Variants in AKAP9 observed in about 807,000 individuals in gnomAD.
AKAP9 encodes the protein A-kinase anchoring protein 9.
Under a neutral mutation model 488.5 loss-of-function variants are expected in AKAP9, and 311 were observed. The ratio of observed to expected loss-of-function variants is 0.64; its 90% CI spans 0.58 to 0.70. AKAP9 has a LOEUF of 0.70. Ranked by LOEUF, AKAP9 falls within the 30% of genes least tolerant of loss-of-function variation. The probability of loss-of-function intolerance (pLI) is 0.00; values close to 1 mark genes in which losing one functional copy is unlikely to be tolerated. For missense variants in AKAP9, 4,215 were observed against 4,374.5 expected (o/e 0.96, Z 1.03); for synonymous variants, 1,462 against 1,483.5 (o/e 0.99, Z 0.33).
intron 1 of AKAP9, among the ~76,000 whole-genome samples, chr7:91,946,395 C>A (rs950856554): frequency 6.9e-6 from 1 of 145,430 alleles, no homozygotes; most frequent in Non-Finnish European, 1.5e-5. Context: ...AACCTTCAGG[C>A]TTTTTTTTTT....
In AKAP9 at chr7:92,093,117, C is replaced by T. The variant is rs2130891706; in HGVS notation, c.9379C>T (p.Gln3127Ter). 6.2e-7 allele frequency: 1 copy of T among 1,611,304 alleles called. No homozygotes were observed. The highest frequency in any genetic ancestry group is 8.5e-7 in the Non-Finnish European group (1 of 1,178,936). ...PSQELLEYNI[Q>*]QKQSQMLEMQ... ...TGTAGAACTCTTGGAATATAATATACAGCAGAAGCAGTCTCAAATGCTGGA... is the reference window on the plus strand; with the variant it reads ...TGTAGAACTCTTGGAATATAATATATAGCAGAAGCAGTCTCAAATGCTGGA... The change falls in exon 39 of 50, where the codon CAG (glutamine) becomes TAG (stop). Residue 3127 changes from glutamine (Q) to a stop codon, truncating the protein, a stop_gained. Coordinates refer to ENST00000356239, the MANE Select transcript of AKAP9 (RefSeq NM_005751.5). LOFTEE classifies it high-confidence loss of function.
In AKAP9 at chr7:92,085,512, C is replaced by T. The variant is rs1814382203; in HGVS notation, c.8850C>T (p.Val2950=). Residue 2950 remains valine, a synonymous_variant, in exon 36 of 50, where the codon GTC becomes GTT. Coordinates refer to ENST00000356239, the MANE Select transcript of AKAP9 (RefSeq NM_005751.5). ...GTTTCCAGGGATTACTGAGAGCTGT[C>T]CATAATGAAGGCATGCAGGTGCTTT... ...PKKIKGLLRA[V]HNEGMQVLSL... 6.2e-7 allele frequency: 1 copy of T among 1,614,014 alleles called. No individual in the cohort carries two copies. Among genetic ancestry groups the T allele is most frequent in the East Asian group, 2.2e-5 (1 of 44,860 alleles).
At chr7:91,941,878 C>G (rs1206064529) in intron 1 of AKAP9, among the ~76,000 whole-genome samples, 2 of 91,368 alleles carry the variant, frequency 2.2e-5, no homozygotes, top group African/African-American at 7.9e-5. Context: ...CTGGCGAATC[C>G]TGGTTGTGTG....
At chr7:92,080,232 T>C in intron 31 of AKAP9, 80 bp downstream of exon 31, 3 of 1,054,484 alleles carry the variant, frequency 2.8e-6, no homozygotes, top group African/African-American at 1.6e-5. Context: ...TATGGTGTTC[T>C]GTTTACATCT....
At chr7:92,040,628 ATG>A in intron 17 of AKAP9, 44 bp from the exon 18 acceptor site, 1 of 1,385,222 alleles carries the variant, frequency 7.2e-7, no homozygotes, top group South Asian at 1.3e-5. Context: ...TTTTTACAAA[ATG>A]TGTTATGGTT....
intron 14 of AKAP9, among the ~76,000 whole-genome samples, chr7:92,027,662 CGTCTGGG>C (rs1464187142): frequency 2.3e-4 from 31 of 136,910 alleles, no homozygotes; most frequent in African/African-American, 7.2e-4. Context: ...CTGGCCGCCC[CGTCTGGG>C]ATGTGAGGAG....
At chr7:91,953,975 T>C (rs994759974) in intron 1 of AKAP9, among the ~76,000 whole-genome samples, 2 of 152,126 alleles carry the variant, frequency 1.3e-5, no homozygotes, top group African/African-American at 4.8e-5. Context: ...GCAGTCTAAT[T>C]CTAGTAGGAC....
Position 92,085,554 on chromosome 7 carries a change from C to G in AKAP9, c.8892C>G (p.Pro2964=), listed in dbSNP as rs1172853201. 5.6e-6 allele frequency: 9 copies of G among 1,613,806 alleles called. No homozygotes were observed. Among genetic ancestry groups the G allele is most frequent in the African/African-American group, 2.7e-5 (2 of 74,882 alleles). The change falls in exon 36 of 50, where the codon CCC becomes CCG. Residue 2964 remains proline (P), a synonymous_variant. Transcript: ENST00000356239. The part of the protein sequence containing the change: ...GMQVLSLTES[P]YSDGEDHSIQ... ...AGGTGCTTTCTCTCACTGAGTCTCC[C>G]TATAGTGATGGAGAGGACCATTCTA...
chr7:92,094,573 G>T (rs1311349613), intron 39 of AKAP9, among the ~76,000 whole-genome samples: 1 of 152,002 alleles, frequency 6.6e-6, no homozygotes, highest in Non-Finnish European at 1.5e-5. Context: ...GGTGGCTCAT[G>T]CCTGTAATCC....
At chr7:92,084,071 G>A (rs556011508) in intron 33 of AKAP9, among the ~76,000 whole-genome samples, 15 of 152,280 alleles carry the variant, frequency 9.9e-5, no homozygotes, top group Non-Finnish European at 1.9e-4. Flanking sequence ...GTGAGAACAT[G>A]CAGTGTTTGG....
intron 9 of AKAP9, among the ~76,000 whole-genome samples, chr7:92,013,271 G>T (rs1001315382): frequency 6.6e-6 from 1 of 151,930 alleles, no homozygotes; most frequent in Non-Finnish European, 1.5e-5. Flanking sequence ...GATTACAGGC[G>T]TGAGCCACCG....
intron 1 of AKAP9, among the ~76,000 whole-genome samples, chr7:91,963,506 A>ACACG (rs1794023206): frequency 6.6e-6 from 1 of 151,446 alleles, no homozygotes; most frequent in South Asian, 2.1e-4. Flanking sequence ...ACACACACAC[A>ACACG]CACACACACA....
At chr7:91,952,826 A>G (rs1584546687) in intron 1 of AKAP9, among the ~76,000 whole-genome samples, 1 of 151,960 alleles carries the variant, frequency 6.6e-6, no homozygotes, top group South Asian at 2.1e-4. Context: ...TTTGTGTTTT[A>G]TATATTTTTT....
chr7:91,966,557 G>T (rs1044079972), intron 1 of AKAP9, among the ~76,000 whole-genome samples: 3 of 152,162 alleles, frequency 2.0e-5, no homozygotes, highest in Non-Finnish European at 2.9e-5. Context: ...TATCAATTTA[G>T]CCTATTTAGT....
At position 91,974,123 on chromosome 7, in the gene AKAP9, T is replaced by G. The variant is rs538783384; in HGVS notation, c.306+155T>G. ...ACTAAACAGTCATAACTAAAATATT[T>G]GATCATCTCAGAGAGGGAGTTTTGT... On this transcript the variant is annotated intron_variant, in intron 2 of 49. Coordinates refer to ENST00000356239, the MANE Select transcript of AKAP9 (RefSeq NM_005751.5). 7.2e-5 allele frequency among the ~76,000 whole-genome samples: 11 copies of G among 152,326 alleles called. No individual in the cohort carries two copies. In the East Asian group the frequency reaches 2.1e-3, roughly 29 times the overall value.
intron 24 of AKAP9, among the ~76,000 whole-genome samples, chr7:92,063,236 T>A (rs1241872742): frequency 6.6e-6 from 1 of 152,186 alleles, no homozygotes; most frequent in East Asian, 1.9e-4. Flanking sequence ...TCAAATTAAT[T>A]AAACAGGTTT....
Position 92,084,896 on chromosome 7 carries a change from G to T in AKAP9, c.8788G>T (p.Glu2930Ter), listed in dbSNP as rs779620641. 6.2e-7 allele frequency: 1 copy of T among 1,613,330 alleles called. No homozygotes were observed. The highest frequency in any genetic ancestry group is 8.5e-7 in the Non-Finnish European group (1 of 1,179,654). Residue 2930 changes from glutamate (E) to a stop codon, truncating the protein, a stop_gained, in exon 35 of 50, where the codon GAA becomes TAA. Transcript: ENST00000356239. LOFTEE classifies it high-confidence loss of function. ...GFDIASEGRG[E>*]ESESATDSFP... The stretch of plus-strand genomic sequence containing the variant: ...TGACATAGCATCAGAAGGCCGAGGA[G>T]AAGAAAGTGAAAGTGCAACAGATTC...
chr7:92,002,172 CAG>C lies in AKAP9; in HGVS notation c.2257_2258del (p.Glu753IlefsTer12), dbSNP rs777621177. 2.5e-6 allele frequency: 4 copies of C among 1,593,936 alleles called. No homozygotes were observed. The highest frequency in any genetic ancestry group is 3.4e-6 in the Non-Finnish European group (4 of 1,174,336). On this transcript the variant is annotated frameshift_variant, in exon 8 of 50. Transcript: ENST00000356239. LOFTEE classifies it high-confidence loss of function. ...GAAGTTCAAGAATTACAACTTAAAA[CAG>C]AATTGTTAGAAAAACAGATGAAGGA...
chr7:92,012,366 G>C, intron 8 of AKAP9, 63 bp from the exon 9 acceptor site: 2 of 1,450,090 alleles, frequency 1.4e-6, no homozygotes, highest in Admixed American at 1.8e-5. Context: ...GCAAAAAAAA[G>C]AAGTTAAATT....
Sources: allele counts gnomAD v4.1 joint callset (sites outside exome capture counted in the v4.1 genomes callset), GRCh38; gene constraint gnomAD v4.1.1; transcripts MANE v1.5; gene names NCBI Gene and HGNC (gene_info 2026-07-23, HGNC 2026-07-21).